CIP2A: variants seen among roughly 807,000 people sequenced by gnomAD.
CIP2A encodes cellular inhibitor of PP2A.
A neutral mutation model predicts 110.9 loss-of-function variants in CIP2A; 103 were observed. That is an observed-to-expected ratio of 0.93 (90% CI 0.79 to 1.09). The LOEUF is 1.09. Ranked by LOEUF, CIP2A falls within the 50% of genes least tolerant of loss-of-function variation. The pLI, the probability that CIP2A is intolerant of heterozygous loss-of-function variation, is 0.00. For missense variants in CIP2A, 1,088 were observed against 1,038.4 expected, an observed-to-expected ratio of 1.05 and a Z score of -0.66; for synonymous variants, 381 against 361.6, an observed-to-expected ratio of 1.05 and a Z score of -0.61.
intron 11 of CIP2A, 137 bp downstream of exon 11, chr3:108,566,360 T>C: frequency 1.6e-6 from 1 of 632,640 alleles, no homozygotes. Flanking sequence ...TACAAAAAAT[T>C]CATTATGAAA....
chr3:108,577,606 A>G (rs1180277051), intron 7 of CIP2A, among the ~76,000 whole-genome samples: 1 of 152,146 alleles, frequency 6.6e-6, no homozygotes, highest in Non-Finnish European at 1.5e-5. Context: ...AAAACAAAAA[A>G]TTTCAAAGAC....
intron 12 of CIP2A, among the ~76,000 whole-genome samples, chr3:108,563,684 A>C (rs1250784492): frequency 6.6e-6 from 1 of 152,098 alleles, no homozygotes; most frequent in Non-Finnish European, 1.5e-5. Context: ...AGATCGAAAA[A>C]ATACAGTTAC....
intron 12 of CIP2A, among the ~76,000 whole-genome samples, chr3:108,563,930 G>GT (rs148054875): frequency 0.064 from 9,674 of 151,814 alleles, 424 homozygotes; most frequent in Admixed American, 0.13. Flanking sequence ...AAAACGTTTT[G>GT]TTTTTTGGAG....
chr3:108,578,718 T>C (rs190658025), intron 7 of CIP2A, among the ~76,000 whole-genome samples: 48 of 152,268 alleles, frequency 3.2e-4, no homozygotes, highest in African/African-American at 1.1e-3. Flanking sequence ...CACAAGCTTG[T>C]TGGAAAACAA....
chr3:108,575,777 C>G (rs1477654439), intron 8 of CIP2A, among the ~76,000 whole-genome samples: 5 of 85,218 alleles, frequency 5.9e-5, no homozygotes, highest in African/African-American at 2.2e-4. Flanking sequence ...TGTATATATA[C>G]TCATATACAT....
chr3:108,566,673 C>G (rs760209396), intron 10 of CIP2A, 35 bp from the exon 11 acceptor site: 2 of 1,396,014 alleles, frequency 1.4e-6, no homozygotes, highest in Non-Finnish European at 2.0e-6. Context: ...CAAAAAAATT[C>G]TCACTTTATG....
Position 108,582,964 on chromosome 3 carries a change from T to C in CIP2A, c.357+13A>G. 2 of 1,538,216 alleles carry C rather than the reference T, an allele frequency of 1.3e-6. No individual in the cohort carries two copies. The highest frequency in any genetic ancestry group is 1.8e-6 in the Non-Finnish European group (2 of 1,115,684). On this transcript the variant is annotated intron_variant, in intron 3 of 20. Coordinates refer to ENST00000295746, the MANE Select transcript of CIP2A (RefSeq NM_020890.3). ...AGTAAGGAAAGGGGAATACACTGTGTGGGTCTGTATACCTGCAAAAACACC... is the reference window on the plus strand; with the variant it reads ...AGTAAGGAAAGGGGAATACACTGTGCGGGTCTGTATACCTGCAAAAACACC...
At chr3:108,557,730 A>G (rs1448126951) in intron 16 of CIP2A, among the ~76,000 whole-genome samples, 1 of 152,182 alleles carries the variant, frequency 6.6e-6, no homozygotes, top group African/African-American at 2.4e-5. Context: ...AGAGGTAGCC[A>G]TTAACACTAA....
rs113664965 is a variant in CIP2A, at chr3:108,585,180, A to T, written c.135T>A (p.Phe45Leu). The T allele has an allele frequency of 1.1e-3, 1,844 of 1,612,046 alleles. 9 individuals carry two copies. In the African/African-American group the frequency reaches 0.017, roughly 14 times the overall value. ...VISGQKLTRLFTSNQILTSEC... is the reference protein window; with the variant it reads ...VISGQKLTRLLTSNQILTSEC... ...CACTTGTTAATATCTGATTTGATGT[A>T]AATAGTCGTGTGAGTTTCTGTCCAG... The change falls in exon 2 of 21, where the codon TTT (phenylalanine) becomes TTA (leucine). Residue 45 changes from phenylalanine to leucine, a missense_variant. Phe to Leu is a conservative substitution (Grantham distance 22). Transcript: ENST00000295746.
In CIP2A at chr3:108,569,497, A is replaced by T; in HGVS notation, c.1005T>A (p.Thr335=). The change falls in exon 9 of 21, where the codon ACT becomes ACA. Residue 335 remains threonine (T), a synonymous_variant. Transcript: ENST00000295746. ...PPGSATLGSH[T]KCLEPTVALL... ...GAGCCACAGTAGGTTCTAAACATTT[A>T]GTATGGCTTCCCAGAGTGGCGCTGC... The T allele has an allele frequency of 6.2e-7, 1 of 1,612,902 alleles. No homozygotes were observed. The highest frequency in any genetic ancestry group is 8.5e-7 in the Non-Finnish European group (1 of 1,179,330).
At chr3:108,552,950 C>T (rs1937628134) in intron 19 of CIP2A, among the ~76,000 whole-genome samples, 1 of 151,972 alleles carries the variant, frequency 6.6e-6, no homozygotes, top group African/African-American at 2.4e-5. Context: ...TTACCTATTG[C>T]TACCTATTTG....
At chr3:108,575,538 AC>A (rs1938570589) in intron 8 of CIP2A, among the ~76,000 whole-genome samples, 1 of 150,992 alleles carries the variant, frequency 6.6e-6, no homozygotes, top group Admixed American at 6.6e-5. Context: ...ACGTATATAT[AC>A]TCATATACAT....
intron 8 of CIP2A, among the ~76,000 whole-genome samples, chr3:108,569,862 G>A (rs189608632): frequency 4.6e-5 from 7 of 151,980 alleles, no homozygotes; most frequent in South Asian, 2.1e-4. Flanking sequence ...TTCAGCCAAC[G>A]TTAAACTCCT....
chr3:108,579,780 A>G (rs1938801355), intron 5 of CIP2A, 92 bp from the exon 6 acceptor site: 1 of 574,560 alleles, frequency 1.7e-6, no homozygotes, highest in African/African-American at 2.0e-5. Context: ...GCAAACTTTT[A>G]TTAAACATCA....
chr3:108,553,722 G>T lies in CIP2A; in HGVS notation c.2333C>A (p.Ala778Asp). Reference protein sequence around the residue: ...SLKEQNEKSIAQLIEKEEQRK... With the variant: ...SLKEQNEKSIDQLIEKEEQRK... ...CTGTTCTTCTTTCTCTATTAATTGG[G>T]CAATACTTCTGAAGTTATTAAAAAA... Residue 778 changes from alanine (A) to aspartate (D), a missense_variant, in exon 19 of 21, where the codon GCC becomes GAC. Physicochemically the swap from Ala to Asp is moderately radical, Grantham distance 126 (BLOSUM62 -2). Transcript: ENST00000295746. 2.0e-6 allele frequency: 3 copies of T among 1,466,162 alleles called. No individual in the cohort carries two copies. The highest frequency in any genetic ancestry group is 1.1e-5 in the South Asian group (1 of 87,604). 90.8% of individuals were successfully genotyped at this position (1,466,162 alleles called of 1,614,324 possible).
chr3:108,553,128 T>TG (rs1559687229), intron 19 of CIP2A, among the ~76,000 whole-genome samples: 1 of 130,580 alleles, frequency 7.7e-6, no homozygotes. Flanking sequence ...TTTGTTTTTT[T>TG]TTTTTTTTTT....
intron 13 of CIP2A, among the ~76,000 whole-genome samples, chr3:108,562,121 T>C (rs2107323691): frequency 6.6e-6 from 1 of 152,334 alleles, no homozygotes; most frequent in East Asian, 1.9e-4. Flanking sequence ...TTATATGTTC[T>C]CTAGGTCTTA....
At chr3:108,572,881 T>G (rs1938447160) in intron 8 of CIP2A, among the ~76,000 whole-genome samples, 1 of 152,082 alleles carries the variant, frequency 6.6e-6, no homozygotes, top group South Asian at 2.1e-4. Context: ...ATTCTTTTCT[T>G]ATTCCTAATC....
At chr3:108,567,357 C>A (rs181341311) in intron 10 of CIP2A, among the ~76,000 whole-genome samples, 167 of 151,592 alleles carry the variant, frequency 1.1e-3, no homozygotes, top group Non-Finnish European at 1.7e-3. Context: ...GGATATTAAA[C>A]AGGGGTGGAG....
Sources: gnomAD v4.1 joint callset for allele counts (sites outside exome capture counted in the v4.1 genomes callset) on GRCh38, gnomAD v4.1.1 for gene constraint, MANE v1.5 for transcripts, NCBI Gene and HGNC (gene_info 2026-07-23, HGNC 2026-07-21) for gene names.